FBXO47: variants seen among roughly 807,000 people sequenced by gnomAD.
The protein encoded by FBXO47 is F-box only protein 47.
A neutral mutation model predicts 53.9 loss-of-function variants in FBXO47; 34 were observed. The observed-to-expected ratio is 0.63, with a 90% CI of 0.48 to 0.84. FBXO47 has a LOEUF of 0.84. Ranked by LOEUF, FBXO47 falls within the 40% of genes least tolerant of loss-of-function variation. The probability of loss-of-function intolerance (pLI) is 0.00; values close to 1 mark genes in which losing one functional copy is unlikely to be tolerated. For missense variants in FBXO47, 485 were observed against 541.3 expected (o/e 0.90, Z 1.03); for synonymous variants, 165 against 181.6 (o/e 0.91, Z 0.73).
intron 6 of FBXO47, among the ~76,000 whole-genome samples, chr17:38,951,077 G>C (rs1905255768): frequency 6.6e-6 from 1 of 151,284 alleles, no homozygotes; most frequent in African/African-American, 2.4e-5. Flanking sequence ...ATTTTTTGTA[G>C]AGACATGGTC....
In FBXO47 at chr17:38,953,462, T is replaced by C. The variant is rs189334183; in HGVS notation, c.507+1394A>G. ...CAACATGGCGAAACCTCGTCTCTAC[T>C]AAAAATACAAAAATTAGCTGGGTGT... is the stretch of plus-strand genomic sequence containing the variant. On this transcript the variant is annotated intron_variant, in intron 5 of 10. Coordinates refer to ENST00000378079, the MANE Select transcript of FBXO47 (RefSeq NM_001008777.3). Among the ~76,000 whole-genome samples the C allele has an allele frequency of 7.8e-3, 1,176 of 151,620 alleles. 9 individuals carry two copies. Among genetic ancestry groups the C allele is most frequent in the African/African-American group, 0.024 (993 of 41,276 alleles).
chr17:38,939,994 G>T (rs1473343146), intron 9 of FBXO47, among the ~76,000 whole-genome samples: 1 of 151,906 alleles, frequency 6.6e-6, no homozygotes. Context: ...ATCCTTAATT[G>T]CCAATCTAAC....
chr17:38,963,110 G>A, intron 1 of FBXO47, 59 bp from the exon 2 acceptor site: 2 of 1,128,078 alleles, frequency 1.8e-6, no homozygotes, highest in Non-Finnish European at 2.6e-6. Context: ...GCAAGAAAGA[G>A]ATTTTTTTTT....
At chr17:38,952,628 G>A (rs1394006683) in intron 5 of FBXO47, among the ~76,000 whole-genome samples, 1 of 151,650 alleles carries the variant, frequency 6.6e-6, no homozygotes, top group Non-Finnish European at 1.5e-5. Flanking sequence ...ACTGAATCCT[G>A]AACTTCGACA....
intron 9 of FBXO47, 76 bp downstream of exon 9, chr17:38,942,702 G>T (rs541014657): frequency 2.7e-6 from 3 of 1,119,456 alleles, no homozygotes; most frequent in African/African-American, 3.1e-5. Context: ...CCACATTTCA[G>T]TTCCTTCAGG....
chr17:38,937,246 G>C lies in FBXO47; in HGVS notation c.1288C>G (p.Leu430Val), dbSNP rs139642802. The C allele has an allele frequency of 1.9e-6, 3 of 1,610,662 alleles. No homozygotes were observed. Among genetic ancestry groups the C allele is most frequent in the East Asian group, 2.2e-5 (1 of 44,718 alleles). The part of the protein sequence containing the change: ...DDRSFLNLFH[L>V]VHAQANFHKE... ...TGGAAGTTAGCCTGAGCATGTACAA[G>C]ATGGAACAAATTCAAAAAGCTTCTG... Residue 430 changes from leucine to valine, a missense_variant, in exon 11 of 11, where the codon CTT (leucine) becomes GTT (valine). Physicochemically the swap from Leu to Val is conservative, Grantham distance 32. Coordinates refer to ENST00000378079, the MANE Select transcript of FBXO47 (RefSeq NM_001008777.3).
In FBXO47 at chr17:38,951,599, C is replaced by A. The variant is rs1905286696; in HGVS notation, c.598G>T (p.Ala200Ser). 1 of 1,612,904 alleles carries A rather than the reference C, an allele frequency of 6.2e-7. No individual in the cohort carries two copies. The highest frequency in any genetic ancestry group is 1.3e-5 in the African/African-American group (1 of 74,884). The change falls in exon 6 of 11, where the codon GCT (alanine) becomes TCT (serine). Residue 200 changes from alanine to serine, a missense_variant. Physicochemically the swap from Ala to Ser is moderately conservative, Grantham distance 99. Transcript: ENST00000378079. ...LTNLCRKIQM[A>S]VCSKPGSAQK... is the part of the protein sequence containing the mutation. ...TTTTTACCTGGTTTGCTGCAGACAG[C>A]CATTTGTATCTTGCGGCAGAGATTA...
rs368038572 is a variant in FBXO47 at position 38,957,947 on chromosome 17, C to T, written c.353-694G>A. Among the ~76,000 whole-genome samples, 3 of 152,170 alleles carry T rather than the reference C, an allele frequency of 2.0e-5. No individual in the cohort carries two copies. In the East Asian group the frequency reaches 5.8e-4, roughly 29 times the overall value. On this transcript the variant is annotated intron_variant, in intron 3 of 10. Transcript: ENST00000378079. Reference sequence around the variant, plus strand: ...CTCCCAGGTTCAAGTGATTCTCCTGCCTCAGCCTCCCGAGTAGCTGGGACT... The same window carrying T: ...CTCCCAGGTTCAAGTGATTCTCCTGTCTCAGCCTCCCGAGTAGCTGGGACT...
At chr17:38,965,454 C>G (rs796923438) in intron 1 of FBXO47, among the ~76,000 whole-genome samples, 1 of 152,118 alleles carries the variant, frequency 6.6e-6, no homozygotes, top group South Asian at 2.1e-4. Context: ...CATTTGAAAA[C>G]ATAACAAAGA....
intron 9 of FBXO47, among the ~76,000 whole-genome samples, chr17:38,942,124 TC>T (rs1380408052): frequency 2.6e-5 from 4 of 152,066 alleles, no homozygotes; most frequent in African/African-American, 9.7e-5. Flanking sequence ...CCAAGTCCTC[TC>T]CCCAACCCAC....
rs1204898886 is a variant in FBXO47, at chr17:38,945,947, AAATATAT to A, written c.617-818_617-812del. On this transcript the variant is annotated intron_variant, in intron 6 of 10. Transcript: ENST00000378079. ...CGAGACTCTGGCTCAAAAAAAAAAA[AAATATAT>A]ATATATATATAAATATATAAATATA... 1.5e-5 allele frequency among the ~76,000 whole-genome samples: 2 copies of A among 131,170 alleles called. 1 individual carries two copies. Among genetic ancestry groups the A allele is most frequent in the African/African-American group, 5.7e-5 (2 of 35,212 alleles). The allele number at this position is 131,170 out of a possible 152,430, so 86.1% of individuals were successfully genotyped here.
intron 3 of FBXO47, 56 bp from the exon 4 acceptor site, chr17:38,957,309 A>G (rs1905602097): frequency 6.2e-6 from 7 of 1,138,096 alleles, no homozygotes. Context: ...AAGAACATCA[A>G]TAGAGCACAG....
Position 38,941,010 on chromosome 17 carries a change from G to A in FBXO47, c.1083+1768C>T, listed in dbSNP as rs191985372. On this transcript the variant is annotated intron_variant, in intron 9 of 10. Coordinates refer to ENST00000378079, the MANE Select transcript of FBXO47 (RefSeq NM_001008777.3). Reference sequence around the variant, plus strand: ...TTAAGTAATTTATTTTTTGAGATGAGATCTCATTCTGTTGCCCAGGCTAGA... The same window carrying A: ...TTAAGTAATTTATTTTTTGAGATGAAATCTCATTCTGTTGCCCAGGCTAGA... Among the ~76,000 whole-genome samples the A allele has an allele frequency of 3.3e-3, 506 of 151,458 alleles. 16 individuals carry two copies. Among genetic ancestry groups the A allele is most frequent in the Admixed American group, 0.03 (462 of 15,196 alleles).
chr17:38,942,907 C>T lies in FBXO47; in HGVS notation c.954G>A (p.Glu318=). The change falls in exon 9 of 11, where the codon GAG becomes GAA. Residue 318 remains glutamate, a synonymous_variant. Transcript: ENST00000378079. The part of the protein sequence containing the change: ...LVDELSVVPR[E]WLLENNARLL... ...GACGTGCATTATTCTCTAGAAGCCA[C>T]TCACGGGGAACCACTTTTATTAGAG... The T allele has an allele frequency of 6.2e-7, 1 of 1,606,576 alleles. No individual in the cohort carries two copies. The highest frequency in any genetic ancestry group is 8.5e-7 in the Non-Finnish European group (1 of 1,177,904).
intron 4 of FBXO47, among the ~76,000 whole-genome samples, chr17:38,956,763 AAT>A: frequency 1.3e-5 from 2 of 152,198 alleles, no homozygotes; most frequent in African/African-American, 2.4e-5. Context: ...ATTATCATAA[AAT>A]GTTTGTCATT....
Position 38,954,935 on chromosome 17 carries a change from T to G in FBXO47, c.430-2A>C. On this transcript the variant is annotated splice_acceptor_variant, in intron 4 of 10. Coordinates refer to ENST00000378079, the MANE Select transcript of FBXO47 (RefSeq NM_001008777.3). LOFTEE classifies it high-confidence loss of function. Reference sequence around the variant, plus strand: ...GCCATTGAATTTAAAGCAGGAAACCTGTAAAGAAAACAATGTTAATACCTC... The same window carrying G: ...GCCATTGAATTTAAAGCAGGAAACCGGTAAAGAAAACAATGTTAATACCTC... 2 of 1,605,838 alleles carry G rather than the reference T, an allele frequency of 1.2e-6. No homozygotes were observed. The highest frequency in any genetic ancestry group is 1.7e-6 in the Non-Finnish European group (2 of 1,174,804).
In FBXO47 at chr17:38,943,599, C is replaced by A. The variant is rs895899161; in HGVS notation, c.931G>T (p.Glu311Ter). 5 of 1,557,618 alleles carry A rather than the reference C, an allele frequency of 3.2e-6. No homozygotes were observed. In the African/African-American group the frequency reaches 5.6e-5, roughly 17 times the overall value. The change falls in exon 8 of 11, where the codon GAA becomes TAA. Residue 311 changes from glutamate (E) to a stop codon, truncating the protein, a stop_gained. Transcript: ENST00000378079. LOFTEE classifies it high-confidence loss of function. Reference protein sequence around the residue: ...TADDVISLVDELSVVPREWLL... With the variant: ...TADDVISLVD ...TAAATATATTTTTTACCTGATAGTT[C>A]ATCTACAAGACTGATAACATCATCT...
At chr17:38,954,767 T>A (rs1905466627) in intron 5 of FBXO47, 89 bp downstream of exon 5, 1 of 700,030 alleles carries the variant, frequency 1.4e-6, no homozygotes, top group Admixed American at 3.0e-5. Flanking sequence ...TATTATAACT[T>A]TATTAACCTA....
At chr17:38,956,606 A>G (rs1362239960) in intron 4 of FBXO47, among the ~76,000 whole-genome samples, 1 of 151,898 alleles carries the variant, frequency 6.6e-6, no homozygotes, top group Non-Finnish European at 1.5e-5. Flanking sequence ...AAAAAAAAAA[A>G]AGAAAAAGTC....
Sources: gnomAD v4.1 joint callset for allele counts (sites outside exome capture counted in the v4.1 genomes callset) on GRCh38, gnomAD v4.1.1 for gene constraint, MANE v1.5 for transcripts, NCBI Gene and HGNC (gene_info 2026-07-23, HGNC 2026-07-21) for gene names.